The following KIR2DL1 variants were observed in gnomAD, a reference collection of about 807,000 sequenced individuals.
KIR2DL1 encodes killer cell immunoglobulin like receptor, two Ig domains and long cytoplasmic tail 1.
Under a neutral mutation model 33.9 loss-of-function variants are expected in KIR2DL1, and 38 were observed. The observed-to-expected ratio is 1.12, with a 90% CI of 0.86 to 1.47. The LOEUF is 1.47. KIR2DL1 is among the 40% of genes most tolerant of loss of function. The pLI is 0.00. For missense variants in KIR2DL1, 531 were observed against 433.9 expected, an observed-to-expected ratio of 1.22 and a Z score of -1.99; for synonymous variants, 179 against 165.9, an observed-to-expected ratio of 1.08 and a Z score of -0.61.
chr19:54,783,741 C>T lies in KIR2DL1; in HGVS notation c.975C>T (p.Pro325=). The change falls in exon 8 of 8, where the codon CCC becomes CCT. Residue 325 remains proline (P), a synonymous_variant. Coordinates refer to ENST00000336077, the MANE Select transcript of KIR2DL1 (RefSeq NM_014218.3). ...ITRPSQRPKT[P]PTDIIVYTEL... ...GCCCTTCTCAGAGGCCCAAGACACC[C>T]CCAACAGATATCATCGTGTACACGG... is the stretch of plus-strand genomic sequence containing the variant. The T allele has an allele frequency of 1.2e-6, 2 of 1,614,006 alleles. No individual in the cohort carries two copies. Among genetic ancestry groups the T allele is most frequent in the Non-Finnish European group, 8.5e-7 (1 of 1,179,966 alleles).
rs373043299 is a variant in KIR2DL1, at chr19:54,775,287, G to T, written c.493G>T (p.Glu165Ter). The change falls in exon 4 of 8, where the codon GAG becomes TAG. Residue 165 changes from glutamate (E) to a stop codon, truncating the protein, a stop_gained. Transcript: ENST00000336077. LOFTEE classifies it high-confidence loss of function. The part of the protein sequence containing the change: ...YDMYHLSREG[E>*]AHERRLPAGP... ...CATGTACCATCTATCCAGGGAAGGG[G>T]AGGCCCATGAACGTAGGCTCCCTGC... 7 of 1,602,832 alleles carry T rather than the reference G, an allele frequency of 4.4e-6. No individual in the cohort carries two copies. The highest frequency in any genetic ancestry group is 3.4e-5 in the Admixed American group (2 of 59,360).
chr19:54,772,903 A>G (rs2075909030), intron 2 of KIR2DL1, among the ~76,000 whole-genome samples: 1 of 146,052 alleles, frequency 6.8e-6, no homozygotes, highest in Admixed American at 7.0e-5. Flanking sequence ...CCTACCAGGA[A>G]CAGGGTGTGT....
intron 5 of KIR2DL1, among the ~76,000 whole-genome samples, chr19:54,781,687 T>C (rs1448252422): frequency 1.3e-5 from 2 of 152,068 alleles, no homozygotes; most frequent in African/African-American, 2.4e-5. Flanking sequence ...CAGCCTAATA[T>C]GTGTCTCCCG....
In KIR2DL1 at chr19:54,784,006, C is replaced by T. The variant is rs1305260945; in HGVS notation, c.*193C>T. 2 of 913,190 alleles carry T rather than the reference C, an allele frequency of 2.2e-6. No homozygotes were observed. Among genetic ancestry groups the T allele is most frequent in the African/African-American group, 3.3e-5 (2 of 60,920 alleles). 56.6% of individuals were successfully genotyped at this position (913,190 alleles called of 1,614,324 possible). ...TACAAATGTCTAAGGTCCCCACTGC[C>T]TGCTGGAGAAAAAACACACTCCTTT... On this transcript the variant is annotated 3_prime_UTR_variant, in exon 8 of 8. Coordinates refer to ENST00000336077, the MANE Select transcript of KIR2DL1 (RefSeq NM_014218.3).
chr19:54,773,649 T>G lies in KIR2DL1; in HGVS notation c.370+17T>G. On this transcript the variant is annotated intron_variant, in intron 3 of 7. Coordinates refer to ENST00000336077, the MANE Select transcript of KIR2DL1 (RefSeq NM_014218.3). ...TGATCATAGGTGAGAGTGTCCAGAC[T>G]TTCTTCTCATTGTCATTGGGATGCA... The G allele has an allele frequency of 6.9e-7, 1 of 1,449,642 alleles. No individual in the cohort carries two copies. Among genetic ancestry groups the G allele is most frequent in the Non-Finnish European group, 9.5e-7 (1 of 1,056,036 alleles). The allele number at this position is 1,449,642 out of a possible 1,614,324, so 89.8% of individuals were successfully genotyped here. A position where few individuals can be genotyped will look rare whatever the true frequency, so the allele number is the denominator to read the frequency against.
chr19:54,783,712 A>G lies in KIR2DL1; in HGVS notation c.946A>G (p.Thr316Ala). ...NHCVFTQRKI[T>A]RPSQRPKTPP... ...CTGCGTTTTCACACAGAGAAAAATC[A>G]CTCGCCCTTCTCAGAGGCCCAAGAC... Residue 316 changes from threonine to alanine, a missense_variant, in exon 8 of 8, where the codon ACT becomes GCT. Physicochemically the swap from Thr to Ala is moderately conservative, Grantham distance 58 (BLOSUM62 0). Transcript: ENST00000336077. 6.2e-7 allele frequency: 1 copy of G among 1,613,866 alleles called. No homozygotes were observed. Among genetic ancestry groups the G allele is most frequent in the Non-Finnish European group, 8.5e-7 (1 of 1,179,934 alleles).
At position 54,782,858 on chromosome 19, in the gene KIR2DL1, C is replaced by G. The variant is rs549864412; in HGVS notation, c.716-64C>G. On this transcript the variant is annotated intron_variant, in intron 5 of 7. Transcript: ENST00000336077. ...GTGGTTACCTGTCAATCAAGAAATG[C>G]GAGACAATTCATAAAGAGGAACTGC... 5.8e-6 allele frequency: 9 copies of G among 1,552,808 alleles called. No homozygotes were observed. The Middle Eastern group carries it at 6.7e-4, about 115-fold the overall frequency.
chr19:54,772,502 C>T (rs1463898458), intron 2 of KIR2DL1, among the ~76,000 whole-genome samples: 3 of 145,772 alleles, frequency 2.1e-5, no homozygotes, highest in East Asian at 2.0e-4. Flanking sequence ...ACAGCAGCAA[C>T]AGGAAACCAA....
At chr19:54,772,762 A>G (rs1356684965) in intron 2 of KIR2DL1, among the ~76,000 whole-genome samples, 2 of 144,122 alleles carry the variant, frequency 1.4e-5, no homozygotes, top group East Asian at 3.9e-4. Context: ...CTACACTGAG[A>G]TCAGCAAGGC....
Position 54,772,270 on chromosome 19 carries a change from G to A in KIR2DL1, c.71-1063G>A, listed in dbSNP as rs1380847115. Among the ~76,000 whole-genome samples the A allele has an allele frequency of 1.9e-4, 28 of 147,326 alleles. 3 individuals carry two copies. The highest frequency in any genetic ancestry group is 6.7e-4 in the African/African-American group (27 of 40,420). ...TGGGGATTACAGCAGCATAATGGGA[G>A]TCTCCATCAGCTTTGAAGGTGGAGG... On this transcript the variant is annotated intron_variant, in intron 2 of 7. Transcript: ENST00000336077.
chr19:54,770,602 G>A (rs1332369988), intron 1 of KIR2DL1, among the ~76,000 whole-genome samples: 1 of 146,600 alleles, frequency 6.8e-6, no homozygotes, highest in African/African-American at 2.5e-5. Context: ...GCTTAGGGTG[G>A]AAATATCGGC....
intron 4 of KIR2DL1, among the ~76,000 whole-genome samples, chr19:54,776,246 T>C (rs1326550387): frequency 1.4e-5 from 2 of 147,394 alleles, no homozygotes; most frequent in Admixed American, 6.9e-5. Context: ...TTTATATATA[T>C]ATATATATAC....
chr19:54,771,168 C>A (rs2075673926), intron 2 of KIR2DL1, among the ~76,000 whole-genome samples: 1 of 148,474 alleles, frequency 6.7e-6, no homozygotes, highest in African/African-American at 2.5e-5. Flanking sequence ...TCACACACTT[C>A]AGCGTTTCCA....
rs555161931 is a variant in KIR2DL1, at chr19:54,773,329, C to T, written c.71-4C>T. ...CCTTCTAAACTCACAACCTCTCTTC[C>T]TAGGAGTCCACAGAAAACCTTCCCT... On this transcript the variant is annotated splice_polypyrimidine_tract_variant and splice_region_variant and intron_variant, in intron 2 of 7. Transcript: ENST00000336077. 1.1e-3 allele frequency: 1,685 copies of T among 1,596,294 alleles called. 94 individuals are homozygous for T. In the African/African-American group the frequency reaches 0.019, roughly 18 times the overall value.
rs1349246307 is a variant in KIR2DL1, at chr19:54,773,419, G to A, written c.157G>A (p.Val53Ile). The change falls in exon 3 of 8, where the codon GTC becomes ATC. Residue 53 changes from valine (V) to isoleucine (I), a missense_variant. Physicochemically the swap from Val to Ile is conservative, Grantham distance 29. Transcript: ENST00000336077. Reference protein sequence around the residue: ...ETVILQCWSDVMFEHFLLHRE... With the variant: ...ETVILQCWSDIMFEHFLLHRE... The stretch of plus-strand genomic sequence containing the variant: ...AGTCATCCTGCAGTGTTGGTCAGAT[G>A]TCATGTTTGAACACTTCCTTCTGCA... 17 of 1,592,090 alleles carry A rather than the reference G, an allele frequency of 1.1e-5. No homozygotes were observed. The Admixed American group carries it at 1.5e-4, about 14-fold the overall frequency.
intron 3 of KIR2DL1, among the ~76,000 whole-genome samples, chr19:54,774,002 A>G (rs1343443254): frequency 3.4e-5 from 5 of 148,820 alleles, no homozygotes; most frequent in Non-Finnish European, 6.0e-5. Context: ...AGGAGAACCC[A>G]AGGACACCCA....
At chr19:54,771,513 G>C (rs1257256187) in intron 2 of KIR2DL1, among the ~76,000 whole-genome samples, 1 of 147,368 alleles carries the variant, frequency 6.8e-6, no homozygotes, top group Non-Finnish European at 1.5e-5. Context: ...TGTGATAGCA[G>C]CCATAGAAAC....
At position 54,775,180 on chromosome 19, in the gene KIR2DL1, C is replaced by A. The variant is rs1399848185; in HGVS notation, c.386C>A (p.Pro129His). 2.5e-6 allele frequency: 4 copies of A among 1,585,248 alleles called. No individual in the cohort carries two copies. Among genetic ancestry groups the A allele is most frequent in the Non-Finnish European group, 3.4e-6 (4 of 1,160,534 alleles). Residue 129 changes from proline to histidine, a missense_variant, in exon 4 of 8, where the codon CCT (proline) becomes CAT (histidine). Coordinates refer to ENST00000336077, the MANE Select transcript of KIR2DL1 (RefSeq NM_014218.3). ...DIVIIGLYEK[P>H]SLSAQLGPTV... ...CTCCTTCCAGGTCTATATGAGAAAC[C>A]TTCTCTCTCAGCCCAGCTGGGCCCC...
At chr19:54,779,056 T>G (rs2076674507) in intron 5 of KIR2DL1, among the ~76,000 whole-genome samples, 1 of 147,430 alleles carries the variant, frequency 6.8e-6, no homozygotes, top group South Asian at 2.1e-4. Context: ...AATGAGCTCC[T>G]GTAGGTCATG....
Sources: allele counts gnomAD v4.1 joint callset (sites outside exome capture counted in the v4.1 genomes callset), GRCh38; gene constraint gnomAD v4.1.1; transcripts MANE v1.5; gene names NCBI Gene and HGNC (gene_info 2026-07-23, HGNC 2026-07-21).